The following DNAH3 variants were observed in gnomAD, a reference collection of about 807,000 sequenced individuals.
DNAH3 encodes the protein axonemal beta dynein heavy chain 3.
DNAH3 carries 332 observed loss-of-function variants against 432.5 expected under a neutral mutation model. That is an observed-to-expected ratio of 0.77 (90% confidence interval 0.70 to 0.84). DNAH3 has a LOEUF of 0.84. Ranked by LOEUF, DNAH3 falls within the 40% of genes least tolerant of loss-of-function variation. DNAH3 has a pLI of 0.00. For missense variants in DNAH3, 4,861 were observed against 5,114.0 expected (o/e 0.95, Z 1.51); for synonymous variants, 1,956 against 1,900.2 (o/e 1.03, Z -0.76).
exon 3 of DNAH3, chr16:21,145,373 T>C (rs772812550): frequency 6.2e-7 from 1 of 1,614,138 alleles, no homozygotes; most frequent in Non-Finnish European, 8.5e-7. Context: ...GTGCGTTGCA[T>C]CAAGGGCGGG....
chr16:20,975,721 T>C (rs765206130), intron 50 of DNAH3, among the ~76,000 whole-genome samples: 3 of 152,074 alleles, frequency 2.0e-5, no homozygotes, highest in Non-Finnish European at 2.9e-5. Flanking sequence ...GTGTTGGGGG[T>C]AATGGGAGAG....
At chr16:21,088,171 A>C (rs1006095233) in intron 18 of DNAH3, among the ~76,000 whole-genome samples, 2 of 152,148 alleles carry the variant, frequency 1.3e-5, no homozygotes, top group East Asian at 3.9e-4. Flanking sequence ...TCATCAACCC[A>C]ACATTTTTGT....
At chr16:21,020,367 TAAA>T (rs1366301910) in intron 40 of DNAH3, among the ~76,000 whole-genome samples, 2 of 81,534 alleles carry the variant, frequency 2.5e-5, no homozygotes, top group African/African-American at 1.1e-4. Context: ...TATATATATA[TAAA>T]ATCACTATAT....
At chr16:20,965,328 G>A in exon 53 of DNAH3, 1 of 1,607,764 alleles carries the variant, frequency 6.2e-7, no homozygotes, top group Non-Finnish European at 8.5e-7. Context: ...TGGTCAGTGG[G>A]GGGATGTTGT....
At chr16:21,106,749 G>C in intron 14 of DNAH3, 75 bp from the exon 15 acceptor site, 1 of 1,233,848 alleles carries the variant, frequency 8.1e-7, no homozygotes, top group Non-Finnish European at 1.1e-6. Context: ...TTTCTTGTAA[G>C]ACTCCATGTT....
chr16:21,090,384 A>C (rs1452727575), intron 18 of DNAH3, among the ~76,000 whole-genome samples: 1 of 151,076 alleles, frequency 6.6e-6, no homozygotes, highest in Non-Finnish European at 1.5e-5. Flanking sequence ...AAAAAAAAAA[A>C]AACCCTACAG....
At chr16:21,034,229 T>G in intron 35 of DNAH3, 144 bp from the exon 36 acceptor site, 1 of 592,100 alleles carries the variant, frequency 1.7e-6, no homozygotes, top group South Asian at 2.0e-5. Context: ...GTTCTTTTCA[T>G]GGTCTATTGT....
At chr16:21,132,226 C>T (rs1438692833) in intron 7 of DNAH3, among the ~76,000 whole-genome samples, 1 of 152,118 alleles carries the variant, frequency 6.6e-6, no homozygotes, top group Non-Finnish European at 1.5e-5. Context: ...GTAGGTTCTC[C>T]AAGCCACAGG....
rs754801705 is a variant in DNAH3, at chr16:21,104,475, T to C, written c.2362A>G (p.Lys788Glu). The C allele has an allele frequency of 1.9e-6, 3 of 1,613,724 alleles. No homozygotes were observed. In the Admixed American group the frequency reaches 5.0e-5, roughly 27 times the overall value. ...AATCCCAGACTCTCCCGGTACCTTTTAATCAGATCCATTTCTGCCTGATCC... is the reference window on the plus strand; with the variant it reads ...AATCCCAGACTCTCCCGGTACCTTTCAATCAGATCCATTTCTGCCTGATCC... The change falls in exon 16 of 62, where the codon AAA becomes GAA. Residue 788 changes from lysine (K) to glutamate (E), a missense_variant. Transcript: ENST00000261383.
At chr16:21,144,677 G>A (rs2092759428) in intron 3 of DNAH3, among the ~76,000 whole-genome samples, 1 of 152,146 alleles carries the variant, frequency 6.6e-6, no homozygotes, top group Non-Finnish European at 1.5e-5. Flanking sequence ...CAAGTACATA[G>A]AACAGTGCCT....
At chr16:21,005,147 C>T (rs904505817) in intron 41 of DNAH3, among the ~76,000 whole-genome samples, 2 of 143,098 alleles carry the variant, frequency 1.4e-5, no homozygotes, top group African/African-American at 2.8e-5. Flanking sequence ...TTCTTTCTCT[C>T]GTCTCTTTCT....
intron 27 of DNAH3, among the ~76,000 whole-genome samples, chr16:21,055,952 G>A (rs975726881): frequency 2.6e-5 from 4 of 152,002 alleles, no homozygotes; most frequent in African/African-American, 7.3e-5. Context: ...TGCCCAGGCT[G>A]GTCTTGAACT....
intron 41 of DNAH3, among the ~76,000 whole-genome samples, chr16:21,005,246 CCTT>C (rs1359394834): frequency 1.0e-4 from 15 of 149,422 alleles, no homozygotes; most frequent in South Asian, 2.2e-4. Context: ...TCCCTCCCTC[CCTT>C]CTTCCTTCCT....
chr16:21,018,062 G>A (rs2087954073), intron 41 of DNAH3, among the ~76,000 whole-genome samples: 1 of 151,880 alleles, frequency 6.6e-6, no homozygotes, highest in Admixed American at 6.6e-5. Context: ...ACTTTGGCGT[G>A]CTTCTTATTA....
At chr16:20,940,417 A>T (rs974548474) in intron 59 of DNAH3, among the ~76,000 whole-genome samples, 3 of 151,922 alleles carry the variant, frequency 2.0e-5, no homozygotes, top group Non-Finnish European at 2.9e-5. Context: ...GACGTATTTC[A>T]AAAGACTATT....
chr16:21,037,630 G>T, intron 34 of DNAH3, 131 bp downstream of exon 34: 1 of 681,964 alleles, frequency 1.5e-6, no homozygotes, highest in Non-Finnish European at 2.5e-6. Context: ...TTGCAGGGAG[G>T]GTATCAGGTG....
Position 21,112,084 on chromosome 16 carries a change from T to C in DNAH3, c.1829A>G (p.Tyr610Cys), listed in dbSNP as rs1440411566. 4 of 1,611,228 alleles carry C rather than the reference T, an allele frequency of 2.5e-6. No homozygotes were observed. The South Asian group carries it at 4.4e-5, about 18-fold the overall frequency. ...ATCCAATAAGTCAACATACTTTTTG[T>C]AGACATTTAAATATCTTCCATATTG... is the stretch of plus-strand genomic sequence containing the variant. Residue 610 changes from tyrosine to cysteine, a missense_variant, in exon 13 of 62, where the codon TAC (tyrosine) becomes TGC (cysteine). By Grantham distance (194) the Tyr-to-Cys change is radical. Coordinates refer to ENST00000261383, the Ensembl canonical transcript of DNAH3.
At chr16:20,933,884 G>C (rs2083496973) in intron 61 of DNAH3, among the ~76,000 whole-genome samples, 1 of 152,242 alleles carries the variant, frequency 6.6e-6, no homozygotes, top group Admixed American at 6.5e-5. Context: ...CTGGAGATGA[G>C]TGTGGGGAGA....
Position 21,151,321 on chromosome 16 carries a change from G to GTT in DNAH3, c.118-5235_118-5234dup, listed in dbSNP as rs10578754. On this transcript the variant is annotated intron_variant, in intron 1 of 61. Transcript: ENST00000261383. ...ACTGATATTTTCCCAGTTTTTCCCCGTTTTTTTTTTTTTTTTTGAGACAGA... is the reference window on the plus strand; with the variant it reads ...ACTGATATTTTCCCAGTTTTTCCCCGTTTTTTTTTTTTTTTTTTTGAGACAGA... 3.4e-4 allele frequency among the ~76,000 whole-genome samples: 44 copies of GTT among 128,384 alleles called. 1 individual carries two copies. In the South Asian group the frequency reaches 3.9e-3, roughly 11 times the overall value. 84.2% of individuals were successfully genotyped at this position (128,384 alleles called of 152,430 possible).
Sources: allele counts gnomAD v4.1 joint callset (sites outside exome capture counted in the v4.1 genomes callset), GRCh38; gene constraint gnomAD v4.1.1; transcripts MANE v1.5; gene names NCBI Gene and HGNC (gene_info 2026-07-23, HGNC 2026-07-21).